The following ACYP2 variants were observed in gnomAD, a reference collection of about 807,000 sequenced individuals.
The protein encoded by ACYP2 is acylphosphatase 2, also known as acylphosphatase-2.
Under a neutral mutation model 11.2 loss-of-function variants are expected in ACYP2, and 12 were observed. That is an observed-to-expected ratio of 1.08 (90% CI 0.69 to 1.74). ACYP2 has a LOEUF of 1.74. ACYP2 is among the 40% of genes most tolerant of loss of function. ACYP2 has a pLI of 0.00. For synonymous variants in ACYP2, 43 were observed against 32.2 expected (o/e 1.33, Z -1.13); for missense variants, 134 against 101.9 (o/e 1.31, Z -1.35).
At chr2:53,975,620 C>T (rs1671437494) in intron 2 of ACYP2, among the ~76,000 whole-genome samples, 1 of 152,078 alleles carries the variant, frequency 6.6e-6, no homozygotes, top group African/African-American at 2.4e-5. Context: ...ATCACAAGGT[C>T]AGGAGATCAA....
At chr2:54,243,110 A>C (rs1004683436) in intron 6 of ACYP2, among the ~76,000 whole-genome samples, 5 of 152,154 alleles carry the variant, frequency 3.3e-5, no homozygotes, top group African/African-American at 1.2e-4. Flanking sequence ...TTTTTTCCCA[A>C]GTTTGACATT....
At chr2:54,195,508 G>T (rs1005134950) in intron 6 of ACYP2, among the ~76,000 whole-genome samples, 1 of 151,876 alleles carries the variant, frequency 6.6e-6, no homozygotes, top group Non-Finnish European at 1.5e-5. Flanking sequence ...TTCATGGCTC[G>T]CATGGCAGTT....
At chr2:54,238,946 T>C (rs1416720687) in intron 6 of ACYP2, among the ~76,000 whole-genome samples, 1 of 151,734 alleles carries the variant, frequency 6.6e-6, no homozygotes, top group Non-Finnish European at 1.5e-5. Flanking sequence ...TATCTCTTTA[T>C]TGTGTAGATA....
At chr2:54,243,489 T>C (rs1256062136) in intron 6 of ACYP2, among the ~76,000 whole-genome samples, 1 of 151,958 alleles carries the variant, frequency 6.6e-6, no homozygotes, top group Non-Finnish European at 1.5e-5. Context: ...TTTATTTATT[T>C]GTTCATTCAT....
intron 3 of ACYP2, among the ~76,000 whole-genome samples, chr2:54,052,408 G>A (rs1257113264): frequency 1.3e-5 from 2 of 152,048 alleles, no homozygotes; most frequent in East Asian, 3.8e-4. Flanking sequence ...TACAGTATGG[G>A]GGTTGTAAAT....
At chr2:54,291,547 C>T (rs1439660432) in intron 6 of ACYP2, among the ~76,000 whole-genome samples, 1 of 152,206 alleles carries the variant, frequency 6.6e-6, no homozygotes, top group African/African-American at 2.4e-5. Context: ...CTAGGAGCTA[C>T]ATTTCCTGAC....
intron 4 of ACYP2, among the ~76,000 whole-genome samples, chr2:54,119,051 C>CTCTTTTT (rs1679987137): frequency 2.3e-5 from 1 of 43,738 alleles, no homozygotes; most frequent in African/African-American, 1.1e-4. Context: ...TCTTAGTAGT[C>CTCTTTTT]TTTTTTTTTT....
At chr2:54,122,908 G>A (rs1680242461) in intron 4 of ACYP2, among the ~76,000 whole-genome samples, 2 of 152,118 alleles carry the variant, frequency 1.3e-5, no homozygotes, top group African/African-American at 2.4e-5. Flanking sequence ...AGAGTAAAGC[G>A]GAGTTTTAGG....
intron 4 of ACYP2, among the ~76,000 whole-genome samples, chr2:54,065,126 T>TAC: frequency 6.9e-6 from 1 of 145,758 alleles, no homozygotes; most frequent in Admixed American, 7.1e-5. Flanking sequence ...TAAATAAATA[T>TAC]AGAGGGACCA....
intron 2 of ACYP2, among the ~76,000 whole-genome samples, chr2:54,003,435 T>C (rs1203902164): frequency 1.3e-5 from 2 of 152,090 alleles, no homozygotes; most frequent in African/African-American, 4.8e-5. Flanking sequence ...AATTTTTGTA[T>C]TTTTAGTATA....
At chr2:53,995,947 A>G (rs1265782418) in intron 2 of ACYP2, among the ~76,000 whole-genome samples, 1 of 152,058 alleles carries the variant, frequency 6.6e-6, no homozygotes. Flanking sequence ...AGCCTGGCCA[A>G]CGTGGTGAAA....
intron 6 of ACYP2, among the ~76,000 whole-genome samples, chr2:54,202,236 G>A (rs1684867934): frequency 6.6e-6 from 1 of 152,026 alleles, no homozygotes; most frequent in African/African-American, 2.4e-5. Flanking sequence ...GGCATCCCAA[G>A]TAGCTGGGAC....
At chr2:54,014,355 C>G (rs1014668647) in intron 2 of ACYP2, among the ~76,000 whole-genome samples, 1 of 151,904 alleles carries the variant, frequency 6.6e-6, no homozygotes, top group Non-Finnish European at 1.5e-5. Flanking sequence ...GATGAAGTCT[C>G]ACTTTGTCAC....
intron 6 of ACYP2, among the ~76,000 whole-genome samples, chr2:54,160,844 G>T (rs1336634351): frequency 6.6e-6 from 1 of 152,142 alleles, no homozygotes; most frequent in Non-Finnish European, 1.5e-5. Context: ...TGAAAATATG[G>T]GCTAAGAACT....
intron 6 of ACYP2, among the ~76,000 whole-genome samples, chr2:54,292,587 T>G (rs1233027666): frequency 1.3e-5 from 2 of 152,092 alleles, no homozygotes. Context: ...TGTCAGACAG[T>G]GCTGTCCTGT....
At chr2:54,167,694 ATT>A (rs919696673) in intron 6 of ACYP2, among the ~76,000 whole-genome samples, 1 of 152,168 alleles carries the variant, frequency 6.6e-6, no homozygotes, top group African/African-American at 2.4e-5. Flanking sequence ...AAGTGTCTTT[ATT>A]TTTTATAGCT....
At chr2:54,050,137 T>G (rs1484465807) in intron 2 of ACYP2, among the ~76,000 whole-genome samples, 2 of 152,228 alleles carry the variant, frequency 1.3e-5, no homozygotes, top group Admixed American at 1.3e-4. Context: ...TTTTTTCTTT[T>G]TTTTCCTTAG....
At chr2:54,096,094 G>T (rs1678551482) in intron 4 of ACYP2, among the ~76,000 whole-genome samples, 1 of 139,898 alleles carries the variant, frequency 7.1e-6, no homozygotes. Context: ...CTGCGGGGCG[G>T]AGACGCTCCT....
chr2:54,041,933 G>A (rs1054653690), intron 2 of ACYP2, among the ~76,000 whole-genome samples: 4 of 151,990 alleles, frequency 2.6e-5, no homozygotes, highest in African/African-American at 9.7e-5. Context: ...TGGGACCACA[G>A]GCATGAGACA....
Sources: allele counts gnomAD v4.1 joint callset (sites outside exome capture counted in the v4.1 genomes callset), GRCh38; gene constraint gnomAD v4.1.1; transcripts MANE v1.5; gene names NCBI Gene and HGNC (gene_info 2026-07-23, HGNC 2026-07-21).